Variants in ABLIM2 observed in about 807,000 individuals in gnomAD.
ABLIM2 encodes actin-binding LIM protein 2.
Under a neutral mutation model 97.7 loss-of-function variants are expected in ABLIM2, and 53 were observed. The ratio of observed to expected loss-of-function variants is 0.54; its 90% CI spans 0.44 to 0.68. The LOEUF is 0.68. Ranked by LOEUF, ABLIM2 falls within the 30% of genes least tolerant of loss-of-function variation. The pLI is 0.00. For missense variants in ABLIM2, 835 were observed against 867.2 expected (o/e 0.96, Z 0.47); for synonymous variants, 361 against 345.8 (o/e 1.04, Z -0.49).
rs565476291 is a variant in ABLIM2, at chr4:8,112,712, CTT to C, written c.11-6077_11-6076del. 1.5e-3 allele frequency among the ~76,000 whole-genome samples: 226 copies of C among 152,292 alleles called. No individual in the cohort carries two copies. The highest frequency in any genetic ancestry group is 5.1e-3 in the African/African-American group (213 of 41,574). ...CCACGGTCCCAGCCCTCGACATTCT[CTT>C]GTTTGTTCCATACCATGCCCCACAG... On this transcript the variant is annotated intron_variant, in intron 1 of 20. Coordinates refer to ENST00000447017, the MANE Select transcript of ABLIM2 (RefSeq NM_001130083.2). This position sits in a 1 kb window ranked among gnomAD's most constrained non-coding sequence, Gnocchi z 4.2.
chr4:8,005,971 C>T lies in ABLIM2; in HGVS notation c.1618+2088G>A, dbSNP rs543295546. 6.6e-5 allele frequency among the ~76,000 whole-genome samples: 10 copies of T among 152,326 alleles called. No homozygotes were observed. The highest frequency in any genetic ancestry group is 1.3e-4 in the Admixed American group (2 of 15,308). On this transcript the variant is annotated intron_variant, in intron 16 of 20. Coordinates refer to ENST00000447017, the MANE Select transcript of ABLIM2 (RefSeq NM_001130083.2). This position sits in a 1 kb window ranked among gnomAD's most constrained non-coding sequence, Gnocchi z 4.9. ...CCAGGATGGAGGCAGCCGCAGCCTGCGTGCATCTGCACAGGCAGCCTGGGA... is the reference window on the plus strand; with the variant it reads ...CCAGGATGGAGGCAGCCGCAGCCTGTGTGCATCTGCACAGGCAGCCTGGGA...
chr4:8,051,046 C>T (rs892864639), intron 8 of ABLIM2, among the ~76,000 whole-genome samples: 9 of 152,386 alleles, frequency 5.9e-5, no homozygotes, highest in South Asian at 2.1e-4. Context: ...GAGGTCAGCA[C>T]GGGCTGGCAT....
chr4:8,043,270 GT>G lies in ABLIM2; in HGVS notation c.900+1893del, dbSNP rs1789939305. ...TGTCATGCTTTTCTCTTGTGAACTT[GT>G]CTCTCGTTATAGGAGTGTCAGCTGT... is the stretch of plus-strand genomic sequence containing the variant. On this transcript the variant is annotated intron_variant, in intron 9 of 20. Coordinates refer to ENST00000447017, the MANE Select transcript of ABLIM2 (RefSeq NM_001130083.2). This position sits in a 1 kb window ranked among gnomAD's most constrained non-coding sequence, Gnocchi z 4.8. Among the ~76,000 whole-genome samples the G allele has an allele frequency of 6.6e-6, 1 of 152,218 alleles. No homozygotes were observed.
chr4:8,094,297 T>C (rs1212264610), intron 3 of ABLIM2, among the ~76,000 whole-genome samples: 1 of 152,220 alleles, frequency 6.6e-6, no homozygotes, highest in Non-Finnish European at 1.5e-5. Context: ...TTTCTGGGCC[T>C]ATTGCTGCAG....
intron 2 of ABLIM2, 137 bp downstream of exon 2, chr4:8,106,357 T>C (rs567777629): frequency 8.1e-7 from 1 of 1,231,696 alleles, no homozygotes; most frequent in African/African-American, 1.5e-5. Context: ...CCCACTCTCC[T>C]CTGAAGATTC....
chr4:8,035,434 G>A (rs934254347), intron 10 of ABLIM2, among the ~76,000 whole-genome samples: 2 of 152,224 alleles, frequency 1.3e-5, no homozygotes, highest in Non-Finnish European at 2.9e-5. Context: ...AAAGGACTGA[G>A]CTTCCCCACC....
chr4:8,098,328 T>A (rs1380802230), intron 2 of ABLIM2, among the ~76,000 whole-genome samples: 1 of 152,220 alleles, frequency 6.6e-6, no homozygotes, highest in Non-Finnish European at 1.5e-5. Context: ...AAACCTGACA[T>A]CTAAAAGTTT....
rs1314954710 is a variant in ABLIM2 at position 8,032,443 on chromosome 4, T to C, written c.1048-2667A>G. On this transcript the variant is annotated intron_variant, in intron 10 of 20. Coordinates refer to ENST00000447017, the MANE Select transcript of ABLIM2 (RefSeq NM_001130083.2). The surrounding 1 kb of genome is among the most constrained non-coding windows in gnomAD (Gnocchi z 4.3). ...GCCACATCCGCAGGGCTGGCAGACA[T>C]ATCGGGGAGGCATGCAAGTGCGGGG... Among the ~76,000 whole-genome samples, 1 of 151,948 alleles carries C rather than the reference T, an allele frequency of 6.6e-6. No individual in the cohort carries two copies. The highest frequency in any genetic ancestry group is 1.9e-4 in the East Asian group (1 of 5,162).
At chr4:8,029,606 AG>A in intron 11 of ABLIM2, 49 bp downstream of exon 11, 13 of 1,317,602 alleles carry the variant, frequency 9.9e-6, no homozygotes, top group South Asian at 6.6e-5. Flanking sequence ...AAAAAAAAAA[AG>A]GAAAAGGACA....
intron 6 of ABLIM2, 137 bp downstream of exon 6, chr4:8,077,491 G>A (rs1272208418): frequency 1.2e-6 from 1 of 856,530 alleles, no homozygotes; most frequent in East Asian, 2.7e-5. Flanking sequence ...TCCATTGGCT[G>A]AGCTGGCAGG....
At chr4:7,989,702 T>C (rs1034094103) in intron 17 of ABLIM2, among the ~76,000 whole-genome samples, 1 of 152,226 alleles carries the variant, frequency 6.6e-6, no homozygotes. Flanking sequence ...ACACATCTGA[T>C]TTTAAAAATC....
intron 1 of ABLIM2, among the ~76,000 whole-genome samples, chr4:8,153,963 C>CTG (rs1714098061): frequency 7.6e-6 from 1 of 131,874 alleles, no homozygotes; most frequent in Non-Finnish European, 1.6e-5. Flanking sequence ...AACTTCTTTT[C>CTG]TTTTTTTTTT....
At chr4:7,980,360 C>A (rs1254606345) in intron 20 of ABLIM2, among the ~76,000 whole-genome samples, 1 of 152,106 alleles carries the variant, frequency 6.6e-6, no homozygotes, top group African/African-American at 2.4e-5. Context: ...TGACAGAGAG[C>A]AGGCCCTGAA....
intron 1 of ABLIM2, among the ~76,000 whole-genome samples, chr4:8,117,588 G>C (rs1843355623): frequency 6.6e-6 from 1 of 151,984 alleles, no homozygotes; most frequent in Admixed American, 6.6e-5. Context: ...ACCCACTGCA[G>C]TGCCACCACT....
rs1277531122 is a variant in ABLIM2, at chr4:8,067,816, G to C, written c.676-6762C>G. On this transcript the variant is annotated intron_variant, in intron 6 of 20. Transcript: ENST00000447017. The surrounding 1 kb of genome is among the most constrained non-coding windows in gnomAD (Gnocchi z 5.4). ...GACTCAGGCCCTGTGTCACGTGCTGGGGTTCAGTGTCCCCGTGTATAAGAT... is the reference window on the plus strand; with the variant it reads ...GACTCAGGCCCTGTGTCACGTGCTGCGGTTCAGTGTCCCCGTGTATAAGAT... The C allele has an allele frequency of 6.6e-6, 1 of 152,182 alleles. No individual in the cohort carries two copies. Among genetic ancestry groups the C allele is most frequent in the Non-Finnish European group, 1.5e-5 (1 of 68,044 alleles). The allele number at this position is 152,182 out of a possible 1,614,324, so 9.4% of individuals were successfully genotyped here.
chr4:7,992,089 G>A lies in ABLIM2; in HGVS notation c.1680+777C>T, dbSNP rs1347616394. Among the ~76,000 whole-genome samples, 1 of 152,146 alleles carries A rather than the reference G, an allele frequency of 6.6e-6. No homozygotes were observed. Among genetic ancestry groups the A allele is most frequent in the Non-Finnish European group, 1.5e-5 (1 of 68,024 alleles). On this transcript the variant is annotated intron_variant, in intron 17 of 20. Coordinates refer to ENST00000447017, the MANE Select transcript of ABLIM2 (RefSeq NM_001130083.2). The surrounding 1 kb of genome is among the most constrained non-coding windows in gnomAD (Gnocchi z 5.7). ...ACCCCTGGGCTGTGTGTGTGTGTCT[G>A]TGTGTTGGGGGGTCTGGGACCAGCA...
At chr4:8,110,498 T>C (rs1362965158) in intron 1 of ABLIM2, among the ~76,000 whole-genome samples, 2 of 152,146 alleles carry the variant, frequency 1.3e-5, no homozygotes, top group Non-Finnish European at 2.9e-5. Context: ...TTGTGTTACC[T>C]GGCCCCAAGG....
Position 7,971,519 on chromosome 4 carries a change from G to A in ABLIM2, c.1825-4416C>T, listed in dbSNP as rs548796498. 3.3e-5 allele frequency among the ~76,000 whole-genome samples: 5 copies of A among 152,312 alleles called. No homozygotes were observed. In the East Asian group the frequency reaches 7.7e-4, roughly 24 times the overall value. ...CCTCAGGAGGCTCAGGCTCAGAGAG[G>A]TTGTGTGACTTGCCCAAGGTCACAT... On this transcript the variant is annotated intron_variant, in intron 20 of 20. Transcript: ENST00000447017.
Position 8,082,678 on chromosome 4 carries a change from G to A in ABLIM2, c.455-1876C>T, listed in dbSNP as rs186297850. ...GATTCAAACTCTGAGGGAAAGGGGG[G>A]CCTCTTACTCATTTCAGGACCCTGG... On this transcript the variant is annotated intron_variant, in intron 4 of 20. Coordinates refer to ENST00000447017, the MANE Select transcript of ABLIM2 (RefSeq NM_001130083.2). The surrounding 1 kb of genome is among the most constrained non-coding windows in gnomAD (Gnocchi z 5.6). Among the ~76,000 whole-genome samples the A allele has an allele frequency of 6.6e-5, 10 of 152,310 alleles. No individual in the cohort carries two copies. The highest frequency in any genetic ancestry group is 4.6e-4 in the Admixed American group (7 of 15,306).
Sources: gnomAD v4.1 joint callset for allele counts (sites outside exome capture counted in the v4.1 genomes callset) on GRCh38, gnomAD v4.1.1 for gene constraint, Gnocchi (gnomAD v3.1) non-coding constraint, MANE v1.5 for transcripts, NCBI Gene and HGNC (gene_info 2026-07-23, HGNC 2026-07-21) for gene names.